The following TNIP3 variants were observed in gnomAD, a reference collection of about 807,000 sequenced individuals.
The protein encoded by TNIP3 is TNFAIP3-interacting protein 3.
TNIP3 carries 34 observed loss-of-function variants against 54.1 expected under a neutral mutation model. The ratio of observed to expected loss-of-function variants is 0.63; its 90% CI spans 0.48 to 0.84. The LOEUF (loss-of-function observed/expected upper bound fraction) is 0.84, where lower values mean the gene tolerates loss of function less well. Among genes scored for constraint, TNIP3 ranks in the 40% least tolerant of loss-of-function variants. The probability of loss-of-function intolerance (pLI) is 0.00; values close to 1 mark genes in which losing one functional copy is unlikely to be tolerated. For synonymous variants in TNIP3, 134 were observed against 136.8 expected (o/e 0.98, Z 0.14); for missense variants, 366 against 387.6 (o/e 0.94, Z 0.47).
intron 7 of TNIP3, 66 bp downstream of exon 7, chr4:121,146,983 T>C: frequency 1.9e-6 from 3 of 1,538,774 alleles, no homozygotes; most frequent in African/African-American, 1.4e-5. Context: ...CCAAACGTCT[T>C]GAATTTTTTT....
At chr4:121,179,505 G>T (rs753512929) in intron 3 of TNIP3, among the ~76,000 whole-genome samples, 1 of 152,164 alleles carries the variant, frequency 6.6e-6, no homozygotes, top group Admixed American at 6.5e-5. Context: ...ATGATGCAAA[G>T]GCATTTGGTT....
chr4:121,166,130 A>G (rs1730755477), upstream of TNIP3, among the ~76,000 whole-genome samples: 1 of 152,178 alleles, frequency 6.6e-6, no homozygotes, highest in African/African-American at 2.4e-5. Flanking sequence ...TCCCCTGTAA[A>G]ATATCCTGAT....
intron 3 of TNIP3, among the ~76,000 whole-genome samples, chr4:121,174,421 A>G (rs1560669698): frequency 6.6e-6 from 1 of 151,868 alleles, no homozygotes; most frequent in Non-Finnish European, 1.5e-5. Context: ...AATAATAATA[A>G]TAAACAAAAT....
At chr4:121,168,353 T>C (rs1730879728), upstream of TNIP3, among the ~76,000 whole-genome samples, 1 of 151,222 alleles carries the variant, frequency 6.6e-6, no homozygotes, top group East Asian at 2.0e-4. Context: ...ATTACAGGCA[T>C]GCACCACCAT....
intron 4 of TNIP3, among the ~76,000 whole-genome samples, chr4:121,154,888 C>A (rs1431983690): frequency 6.6e-6 from 1 of 151,386 alleles, no homozygotes; most frequent in African/African-American, 2.4e-5. Flanking sequence ...TTGAAGGAAT[C>A]TTTCTTTTAT....
chr4:121,189,185 G>A (rs765321247), intron 2 of TNIP3, among the ~76,000 whole-genome samples: 7 of 152,176 alleles, frequency 4.6e-5, no homozygotes, highest in Non-Finnish European at 7.4e-5. Flanking sequence ...AATTTAGGAT[G>A]TTAGTGTTCT....
intron 2 of TNIP3, among the ~76,000 whole-genome samples, chr4:121,202,339 G>A (rs1725938502): frequency 6.6e-6 from 1 of 152,156 alleles, no homozygotes; most frequent in African/African-American, 2.4e-5. Flanking sequence ...AACAAATGGT[G>A]TTGGAATAAT....
At chr4:121,218,631 CCTCTCT>C (rs1285050232), upstream of TNIP3, among the ~76,000 whole-genome samples, 2 of 151,326 alleles carry the variant, frequency 1.3e-5, no homozygotes, top group African/African-American at 4.9e-5. Context: ...TCTCCCTCTC[CCTCTCT>C]CTGTCTCTCT....
chr4:121,132,489 C>T lies in TNIP3; in HGVS notation c.*142G>A. The T allele has an allele frequency of 8.1e-6, 6 of 741,618 alleles. No homozygotes were observed. The highest frequency in any genetic ancestry group is 1.3e-5 in the Non-Finnish European group (6 of 449,826). The allele number at this position is 741,618 out of a possible 1,614,324, so 45.9% of individuals were successfully genotyped here. On this transcript the variant is annotated 3_prime_UTR_variant, in exon 11 of 11. Transcript: ENST00000057513. Reference sequence around the variant, plus strand: ...TCAGAAGCCTTTTCCTGTATTCATACCAAAGGAAAACATGACCAGGCACAA... The same window carrying T: ...TCAGAAGCCTTTTCCTGTATTCATATCAAAGGAAAACATGACCAGGCACAA...
intron 3 of TNIP3, among the ~76,000 whole-genome samples, chr4:121,171,289 G>A (rs1731050946): frequency 6.6e-6 from 1 of 152,114 alleles, no homozygotes; most frequent in Non-Finnish European, 1.5e-5. Flanking sequence ...AAAGATTTTA[G>A]GCTAATTTAT....
intron 2 of TNIP3, among the ~76,000 whole-genome samples, chr4:121,183,006 A>G (rs1014765651): frequency 6.6e-6 from 1 of 152,212 alleles, no homozygotes; most frequent in African/African-American, 2.4e-5. Context: ...CTTACAAAGG[A>G]AGATACGGAC....
At chr4:121,171,635 C>G (rs1723945200) in intron 3 of TNIP3, among the ~76,000 whole-genome samples, 1 of 152,120 alleles carries the variant, frequency 6.6e-6, no homozygotes, top group South Asian at 2.1e-4. Flanking sequence ...GGTTTCATGC[C>G]TCAGGAAAAT....
At chr4:121,180,177 G>T (rs1724600176) in intron 3 of TNIP3, among the ~76,000 whole-genome samples, 1 of 152,130 alleles carries the variant, frequency 6.6e-6, no homozygotes, top group African/African-American at 2.4e-5. Context: ...GAGGCGGGTG[G>T]ATCAAGAGGT....
chr4:121,171,808 G>A (rs1034996978), intron 3 of TNIP3, among the ~76,000 whole-genome samples: 18 of 152,114 alleles, frequency 1.2e-4, no homozygotes, highest in African/African-American at 4.1e-4. Flanking sequence ...TTGGCTCACC[G>A]CAACCTCTGC....
At chr4:121,195,932 T>A (rs981181877) in intron 2 of TNIP3, among the ~76,000 whole-genome samples, 1 of 152,218 alleles carries the variant, frequency 6.6e-6, no homozygotes, top group African/African-American at 2.4e-5. Context: ...ACATTTACAC[T>A]CACGTTGCTG....
At chr4:121,143,904 C>T (rs1195521711) in intron 7 of TNIP3, among the ~76,000 whole-genome samples, 1 of 152,148 alleles carries the variant, frequency 6.6e-6, no homozygotes, top group African/African-American at 2.4e-5. Context: ...ACAGCATATA[C>T]GTGTGGGCCA....
chr4:121,158,980 G>T lies in TNIP3; in HGVS notation c.148-228C>A, dbSNP rs192668118. 5.8e-4 allele frequency among the ~76,000 whole-genome samples: 88 copies of T among 152,274 alleles called. 1 individual carries two copies. Among genetic ancestry groups the T allele is most frequent in the African/African-American group, 2.1e-3 (86 of 41,552 alleles). On this transcript the variant is annotated intron_variant, in intron 2 of 10. Coordinates refer to ENST00000057513, the MANE Select transcript of TNIP3 (RefSeq NM_024873.6). The stretch of plus-strand genomic sequence containing the variant: ...CTACTGGCTGGGTCCGGTGGCTCAC[G>T]CCTGTAATCCCACCACTCTGGGAGG...
intron 10 of TNIP3, among the ~76,000 whole-genome samples, chr4:121,135,644 C>T (rs1728737767): frequency 6.6e-6 from 1 of 152,138 alleles, no homozygotes; most frequent in African/African-American, 2.4e-5. Context: ...AGCAATCTGC[C>T]CACGTTGGCC....
chr4:121,161,337 G>A (rs1411547064), intron 1 of TNIP3, 121 bp from the exon 2 acceptor site: 1 of 751,850 alleles, frequency 1.3e-6, no homozygotes, highest in Non-Finnish European at 2.1e-6. Context: ...AAAAATACCT[G>A]ATTCTAGCAG....
Sources: gnomAD v4.1 joint callset for allele counts (sites outside exome capture counted in the v4.1 genomes callset) on GRCh38, gnomAD v4.1.1 for gene constraint, MANE v1.5 for transcripts, NCBI Gene and HGNC (gene_info 2026-07-23, HGNC 2026-07-21) for gene names.